The following SLCO4C1 variants were observed in gnomAD, a reference collection of about 807,000 sequenced individuals.
SLCO4C1 encodes the protein solute carrier organic anion transporter family member 4C1.
Under a neutral mutation model 72.1 loss-of-function variants are expected in SLCO4C1, and 58 were observed. The ratio of observed to expected loss-of-function variants is 0.80; its 90% CI spans 0.65 to 1.00. The LOEUF is 1.00. Ranked by LOEUF, SLCO4C1 falls within the 50% of genes least tolerant of loss-of-function variation. The probability of loss-of-function intolerance (pLI) is 0.00; values close to 1 mark genes in which losing one functional copy is unlikely to be tolerated. For missense variants in SLCO4C1, 898 were observed against 857.9 expected (o/e 1.05, Z -0.58); for synonymous variants, 297 against 312.5 (o/e 0.95, Z 0.52).
chr5:102,245,014 G>A lies in SLCO4C1; in HGVS notation c.1811+2238C>T, dbSNP rs536251558. Among the ~76,000 whole-genome samples, 10 of 152,248 alleles carry A rather than the reference G, an allele frequency of 6.6e-5. No individual in the cohort carries two copies. In the East Asian group the frequency reaches 1.9e-3, roughly 29 times the overall value. ...ACTATTCTAACACTGGAACTGTGGT[G>A]TGTAAACTACCCTTATCCTAAGTAG... On this transcript the variant is annotated intron_variant, in intron 10 of 12. Transcript: ENST00000310954.
intron 8 of SLCO4C1, among the ~76,000 whole-genome samples, chr5:102,249,993 ATC>A (rs1748709656): frequency 6.6e-6 from 1 of 152,216 alleles, no homozygotes; most frequent in South Asian, 2.1e-4. Flanking sequence ...ATAGTATAGT[ATC>A]TGTCAGTAAT....
chr5:102,280,979 T>C (rs555222642), intron 2 of SLCO4C1, among the ~76,000 whole-genome samples: 1 of 152,106 alleles, frequency 6.6e-6, no homozygotes, highest in Non-Finnish European at 1.5e-5. Context: ...ATTCTAAAAT[T>C]TATATAGAAA....
chr5:102,251,525 G>C (rs1185831676), intron 8 of SLCO4C1, among the ~76,000 whole-genome samples: 2 of 151,854 alleles, frequency 1.3e-5, no homozygotes, highest in Non-Finnish European at 2.9e-5. Flanking sequence ...AGGAGTTTGA[G>C]GCTGCAGTGA....
chr5:102,254,189 C>A (rs933840104), intron 8 of SLCO4C1, among the ~76,000 whole-genome samples: 1 of 152,114 alleles, frequency 6.6e-6, no homozygotes, highest in African/African-American at 2.4e-5. Flanking sequence ...ATTTCTTGAG[C>A]TTCTTAGTCT....
intron 3 of SLCO4C1, among the ~76,000 whole-genome samples, chr5:102,267,170 A>G (rs1262074203): frequency 6.6e-6 from 1 of 152,156 alleles, no homozygotes; most frequent in African/African-American, 2.4e-5. Context: ...CTCCTCTTCA[A>G]CTATCTGGAA....
intron 12 of SLCO4C1, 112 bp from the exon 13 acceptor site, chr5:102,237,130 C>A: frequency 9.2e-7 from 1 of 1,082,486 alleles, no homozygotes; most frequent in Non-Finnish European, 1.3e-6. Context: ...ATTACATAAC[C>A]ATTATAGTTC....
At chr5:102,265,841 TG>T (rs1477968834) in intron 3 of SLCO4C1, among the ~76,000 whole-genome samples, 2 of 152,192 alleles carry the variant, frequency 1.3e-5, no homozygotes, top group Non-Finnish European at 2.9e-5. Context: ...TCCATGTCTG[TG>T]AAAAGTGACA....
chr5:102,240,579 G>T, intron 11 of SLCO4C1, 139 bp downstream of exon 11: 1 of 660,620 alleles, frequency 1.5e-6, no homozygotes, highest in Non-Finnish European at 2.7e-6. Context: ...CTGAAACATT[G>T]GAAAATGGCT....
chr5:102,265,372 C>T (rs992321522), intron 3 of SLCO4C1, among the ~76,000 whole-genome samples: 1 of 152,066 alleles, frequency 6.6e-6, no homozygotes, highest in Non-Finnish European at 1.5e-5. Context: ...CTTTTGCAGT[C>T]TTAGCCATAT....
chr5:102,283,714 T>G (rs991070610), intron 2 of SLCO4C1, among the ~76,000 whole-genome samples: 77 of 152,130 alleles, frequency 5.1e-4, no homozygotes, highest in African/African-American at 1.7e-3. Flanking sequence ...ATTAAGATTT[T>G]TAAAAGTCCA....
At position 102,251,107 on chromosome 5, in the gene SLCO4C1, T is replaced by C. The variant is rs78079956; in HGVS notation, c.1470-1319A>G. ...TAGGGTAGAGAAACAGCATCCTCTGTGGAGAAATATGAATGATGTCTGAGG... is the reference window on the plus strand; with the variant it reads ...TAGGGTAGAGAAACAGCATCCTCTGCGGAGAAATATGAATGATGTCTGAGG... On this transcript the variant is annotated intron_variant, in intron 8 of 12. Coordinates refer to ENST00000310954, the MANE Select transcript of SLCO4C1 (RefSeq NM_180991.5). Among the ~76,000 whole-genome samples the C allele has an allele frequency of 1.6e-3, 236 of 152,126 alleles. 4 individuals are homozygous for C. In the East Asian group the frequency reaches 0.045, roughly 29 times the overall value.
intron 2 of SLCO4C1, among the ~76,000 whole-genome samples, chr5:102,273,633 T>C (rs1229051718): frequency 6.6e-6 from 1 of 152,068 alleles, no homozygotes; most frequent in African/African-American, 2.4e-5. Flanking sequence ...CAAAGAAAAA[T>C]ATTTAAACCT....
rs7713374 is a variant in SLCO4C1, at chr5:102,247,983, A to C, written c.1621-541T>G. Among the ~76,000 whole-genome samples, 680 of 150,694 alleles carry C rather than the reference A, an allele frequency of 4.5e-3. 5 individuals carry two copies. Among genetic ancestry groups the C allele is most frequent in the African/African-American group, 0.016 (641 of 41,078 alleles). Reference sequence around the variant, plus strand: ...TAAGACCACTGGTACCAATTCAGGAAAACCAAATATGCAGATGACACCTCC... The same window carrying C: ...TAAGACCACTGGTACCAATTCAGGACAACCAAATATGCAGATGACACCTCC... On this transcript the variant is annotated intron_variant, in intron 9 of 12. Coordinates refer to ENST00000310954, the MANE Select transcript of SLCO4C1 (RefSeq NM_180991.5).
At chr5:102,242,527 CCAGT>C (rs374797134) in intron 10 of SLCO4C1, among the ~76,000 whole-genome samples, 12 of 152,128 alleles carry the variant, frequency 7.9e-5, no homozygotes, top group African/African-American at 2.9e-4. Context: ...GGACAGAGCA[CCAGT>C]CAGAGTTGTG....
chr5:102,262,165 T>C, intron 4 of SLCO4C1, 132 bp from the exon 5 acceptor site: 1 of 573,836 alleles, frequency 1.7e-6, no homozygotes, highest in Non-Finnish European at 2.7e-6. Flanking sequence ...AGTTTAATGG[T>C]GCCATTGCAA....
intron 2 of SLCO4C1, among the ~76,000 whole-genome samples, chr5:102,285,338 G>T (rs1749433312): frequency 6.6e-6 from 1 of 152,164 alleles, no homozygotes; most frequent in African/African-American, 2.4e-5. Flanking sequence ...AGGCTGGAGT[G>T]CAGTGTCCCG....
intron 3 of SLCO4C1, among the ~76,000 whole-genome samples, chr5:102,265,746 T>G (rs1361596138): frequency 6.6e-6 from 1 of 152,200 alleles, no homozygotes; most frequent in Non-Finnish European, 1.5e-5. Context: ...GATAGTGTGA[T>G]GCTTTCGGTT....
At position 102,240,727 on chromosome 5, in the gene SLCO4C1, G is replaced by A. The variant is rs202120876; in HGVS notation, c.1867C>T (p.Arg623Ter). 49 of 1,610,006 alleles carry A rather than the reference G, an allele frequency of 3.0e-5. No individual in the cohort carries two copies. The highest frequency in any genetic ancestry group is 1.0e-4 in the Admixed American group (6 of 59,736). The stretch of plus-strand genomic sequence containing the variant: ...AAGAAAAATGGCATACCTAATAATC[G>A]AAGGACCATAAATTGTATTCCCAAG... ...LALGIQFMVL[R>*]LLGTIPGPII... The change falls in exon 11 of 13, where the codon CGA (arginine) becomes TGA (stop). Residue 623 changes from arginine (R) to a stop codon, truncating the protein, a stop_gained. Transcript: ENST00000310954. LOFTEE classifies it high-confidence loss of function.
intron 2 of SLCO4C1, among the ~76,000 whole-genome samples, chr5:102,277,854 A>G (rs1046396234): frequency 3.9e-5 from 6 of 152,194 alleles, no homozygotes; most frequent in Non-Finnish European, 7.3e-5. Flanking sequence ...AAAGTTATAC[A>G]AAGAAATATA....
Sources: gnomAD v4.1 joint callset for allele counts (sites outside exome capture counted in the v4.1 genomes callset) on GRCh38, gnomAD v4.1.1 for gene constraint, MANE v1.5 for transcripts, NCBI Gene and HGNC (gene_info 2026-07-23, HGNC 2026-07-21) for gene names.